The following NOL7 variants were observed in gnomAD, a reference collection of about 807,000 sequenced individuals.
The protein encoded by NOL7 is U3 small nucleolar RNA-associated protein NOL7.
NOL7 carries 36 observed loss-of-function variants against 38.4 expected under a neutral mutation model. The ratio of observed to expected loss-of-function variants is 0.94; its 90% CI spans 0.72 to 1.24. The LOEUF (loss-of-function observed/expected upper bound fraction) is 1.24, where lower values mean the gene tolerates loss of function less well. Ranked by LOEUF, NOL7 falls within the 50% of genes most tolerant of loss-of-function variation. The pLI is 0.00. For synonymous variants in NOL7, 142 were observed against 126.5 expected (o/e 1.12, Z -0.82); for missense variants, 350 against 315.1 (o/e 1.11, Z -0.84).
At chr6:13,622,227 A>AG, downstream of NOL7, 1 of 861,424 alleles carries the variant, frequency 1.2e-6, no homozygotes, top group African/African-American at 1.7e-5. Flanking sequence ...GCTGTAAACT[A>AG]GGAAGCAATG....
chr6:13,626,965 C>G (rs1276812643), intron 8 of NOL7, among the ~76,000 whole-genome samples: 2 of 152,186 alleles, frequency 1.3e-5, no homozygotes, highest in African/African-American at 2.4e-5. Context: ...GCTGTGAAGT[C>G]AGTCTGAGAC....
At chr6:13,618,885 T>C (rs1038531592) in intron 5 of NOL7, among the ~76,000 whole-genome samples, 4 of 152,092 alleles carry the variant, frequency 2.6e-5, no homozygotes, top group African/African-American at 9.7e-5. Context: ...AGTGAGACCC[T>C]GTCTCAAAAA....
chr6:13,618,515 G>A (rs1289722409), intron 5 of NOL7, among the ~76,000 whole-genome samples: 1 of 152,056 alleles, frequency 6.6e-6, no homozygotes, highest in East Asian at 1.9e-4. Flanking sequence ...CCAAAGTGCT[G>A]GGATTACAGG....
intron 8 of NOL7, among the ~76,000 whole-genome samples, chr6:13,627,352 G>A (rs1040904571): frequency 1.1e-4 from 17 of 151,962 alleles, no homozygotes; most frequent in Non-Finnish European, 1.2e-4. Flanking sequence ...GTTTTTGGCC[G>A]GGTGTGGTGG....
chr6:13,627,586 C>T (rs1171913213), intron 8 of NOL7, among the ~76,000 whole-genome samples: 5 of 145,140 alleles, frequency 3.4e-5, no homozygotes, highest in Non-Finnish European at 6.0e-5. Flanking sequence ...GCCAAGATCA[C>T]GCCACTGCAC....
At chr6:13,622,567 C>A (rs2127756642), downstream of NOL7, 2 of 1,410,170 alleles carry the variant, frequency 1.4e-6, no homozygotes, top group South Asian at 1.5e-5. Context: ...CAGGAGAATA[C>A]TGCAATGACT....
At chr6:13,617,252 C>CCG (rs1764317531) in intron 3 of NOL7, among the ~76,000 whole-genome samples, 1 of 151,832 alleles carries the variant, frequency 6.6e-6, no homozygotes, top group Admixed American at 6.5e-5. Context: ...TTTGCCCCCC[C>CCG]CCACCTCCCA....
At chr6:13,621,838 T>C (rs1222255887), downstream of NOL7, 2 of 152,668 alleles carry the variant, frequency 1.3e-5, no homozygotes, top group African/African-American at 4.8e-5. Flanking sequence ...CTCCTGAGTA[T>C]TTCAAGTTTT....
chr6:13,623,343 C>T (rs1162052614), downstream of NOL7, among the ~76,000 whole-genome samples: 13 of 152,058 alleles, frequency 8.5e-5, no homozygotes, highest in Non-Finnish European at 1.5e-5. Context: ...TGACACATGG[C>T]TAGGAAGGCT....
chr6:13,625,673 G>A (rs1301745774), downstream of NOL7: 1 of 1,610,276 alleles, frequency 6.2e-7, no homozygotes, highest in African/African-American at 1.3e-5. Context: ...ACTGTTAAGA[G>A]CTGAGCACAC....
At chr6:13,622,541 TA>T (rs1764480719), downstream of NOL7, 3 of 1,495,950 alleles carry the variant, frequency 2.0e-6, no homozygotes, top group Non-Finnish European at 2.7e-6. Flanking sequence ...CAAGACATTT[TA>T]AAAAACATTT....
chr6:13,617,368 TC>T (rs1764320349), intron 3 of NOL7, among the ~76,000 whole-genome samples: 1 of 152,238 alleles, frequency 6.6e-6, no homozygotes, highest in Non-Finnish European at 1.5e-5. Flanking sequence ...TTGAGGCTGT[TC>T]CCTGTCTCCT....
At chr6:13,620,064 A>G in intron 5 of NOL7, 144 bp from the exon 6 acceptor site, 2 of 799,438 alleles carry the variant, frequency 2.5e-6, no homozygotes, top group Admixed American at 5.9e-5. Context: ...TGAGGCAGGC[A>G]AGTTGCTTGA....
Position 13,620,500 on chromosome 6 carries a change from T to C in NOL7, c.700+15T>C. The C allele has an allele frequency of 6.2e-7, 1 of 1,605,510 alleles. No homozygotes were observed. On this transcript the variant is annotated intron_variant, in intron 7 of 7. Coordinates refer to ENST00000451315, the MANE Select transcript of NOL7 (RefSeq NM_016167.5). Reference sequence around the variant, plus strand: ...TAATGCTTGGGGTAAGATCCAGCTTTATTCTCCTGTCTCTAATAGCTTTAT... The same window carrying C: ...TAATGCTTGGGGTAAGATCCAGCTTCATTCTCCTGTCTCTAATAGCTTTAT...
At chr6:13,624,922 T>C (rs566134908), downstream of NOL7, among the ~76,000 whole-genome samples, 19 of 152,148 alleles carry the variant, frequency 1.2e-4, no homozygotes, top group Non-Finnish European at 2.6e-4. Context: ...TTCATAAGCA[T>C]GGTGGGAGCT....
At position 13,616,433 on chromosome 6, in the gene NOL7, T is replaced by C. The variant is rs752421242; in HGVS notation, c.328-30T>C. 3 of 1,529,234 alleles carry C rather than the reference T, an allele frequency of 2.0e-6. No homozygotes were observed. The African/African-American group carries it at 4.1e-5, about 21-fold the overall frequency. The allele number at this position is 1,529,234 out of a possible 1,614,324, so 94.7% of individuals were successfully genotyped here. A position where few individuals can be genotyped will look rare whatever the true frequency, so the allele number is the denominator to read the frequency against. On this transcript the variant is annotated intron_variant, in intron 2 of 7. Transcript: ENST00000451315. ...CGGACATACTATGTACATGACTTTC[T>C]ATTAATTTTAAACGTTTTCATTCCA...
At chr6:13,628,376 A>C (rs1764683699) in intron 8 of NOL7, among the ~76,000 whole-genome samples, 1 of 152,234 alleles carries the variant, frequency 6.6e-6, no homozygotes, top group Admixed American at 6.5e-5. Flanking sequence ...CTATTGACTT[A>C]ATACATGCAA....
chr6:13,629,974 A>AC (rs1241653597), intron 8 of NOL7, among the ~76,000 whole-genome samples: 3 of 151,750 alleles, frequency 2.0e-5, no homozygotes, highest in Non-Finnish European at 4.4e-5. Context: ...CACATGACTC[A>AC]AAGTTTATGC....
At position 13,620,866 on chromosome 6, in the gene NOL7, G is replaced by C; in HGVS notation, c.*39G>C. ...GAAGAATCTGTACTTTGTATGTATA[G>C]AATTTATCTAATAAATCATTCATAG... On this transcript the variant is annotated 3_prime_UTR_variant, in exon 8 of 8. Transcript: ENST00000451315. 1 of 1,186,800 alleles carries C rather than the reference G, an allele frequency of 8.4e-7. No homozygotes were observed. The highest frequency in any genetic ancestry group is 1.2e-6 in the Non-Finnish European group (1 of 828,262). The allele number at this position is 1,186,800 out of a possible 1,614,324, so 73.5% of individuals were successfully genotyped here.
Sources: allele counts gnomAD v4.1 joint callset (sites outside exome capture counted in the v4.1 genomes callset), GRCh38; gene constraint gnomAD v4.1.1; transcripts MANE v1.5; gene names NCBI Gene and HGNC (gene_info 2026-07-23, HGNC 2026-07-21).